The following BMP6 variants were observed in gnomAD, a reference collection of about 807,000 sequenced individuals.
The protein encoded by BMP6 is VG-1-R.
BMP6 carries 17 observed loss-of-function variants against 54.1 expected under a neutral mutation model. The ratio of observed to expected loss-of-function variants is 0.31; its 90% CI spans 0.22 to 0.47. The LOEUF is 0.47. Among genes scored for constraint, BMP6 ranks in the 20% least tolerant of loss-of-function variants. BMP6 has a pLI of 1.00. For synonymous variants in BMP6, 328 were observed against 291.2 expected, an observed-to-expected ratio of 1.13 and a Z score of -1.28; for missense variants, 720 against 690.4, an observed-to-expected ratio of 1.04 and a Z score of -0.48.
intron 5 of BMP6, 141 bp downstream of exon 5, chr6:7,879,291 CAA>C: frequency 1.1e-6 from 1 of 870,004 alleles, no homozygotes; most frequent in Non-Finnish European, 1.8e-6. Flanking sequence ...GGAGCCCTCC[CAA>C]ATGCTCAGGC....
At chr6:7,868,879 T>C (rs567547413) in intron 4 of BMP6, among the ~76,000 whole-genome samples, 1 of 151,986 alleles carries the variant, frequency 6.6e-6, no homozygotes, top group Non-Finnish European at 1.5e-5. Flanking sequence ...TCCCTCTCCC[T>C]CCCCACCTCT....
intron 1 of BMP6, among the ~76,000 whole-genome samples, chr6:7,821,541 G>A (rs988127264): frequency 1.3e-5 from 2 of 152,156 alleles, no homozygotes; most frequent in African/African-American, 2.4e-5. Context: ...GAAAAATTAA[G>A]GAATGACTCC....
chr6:7,796,422 G>A (rs12210175), intron 1 of BMP6, among the ~76,000 whole-genome samples: 88,622 of 152,136 alleles, frequency 0.58, 26,228 homozygotes, highest in African/African-American at 0.66. Flanking sequence ...TAGAAGAATA[G>A]TACTTTTTTC....
At chr6:7,836,986 A>C (rs1758885745) in intron 1 of BMP6, among the ~76,000 whole-genome samples, 1 of 152,206 alleles carries the variant, frequency 6.6e-6, no homozygotes, top group African/African-American at 2.4e-5. Context: ...CCATGTTTCA[A>C]AAAAAATTTC....
chr6:7,751,830 G>T (rs1024773579), intron 1 of BMP6, among the ~76,000 whole-genome samples: 1 of 152,220 alleles, frequency 6.6e-6, no homozygotes, highest in African/African-American at 2.4e-5. Context: ...TGTTTTTCAA[G>T]AAGTCTAATC....
At chr6:7,855,553 C>CTTTTTTTT (rs778898901) in intron 2 of BMP6, among the ~76,000 whole-genome samples, 1 of 105,042 alleles carries the variant, frequency 9.5e-6, no homozygotes, top group Non-Finnish European at 1.9e-5. Flanking sequence ...CTCTCTCTCT[C>CTTTTTTTT]TTTTTTTTTT....
At chr6:7,831,385 C>T (rs1013254912) in intron 1 of BMP6, among the ~76,000 whole-genome samples, 42 of 152,116 alleles carry the variant, frequency 2.8e-4, no homozygotes, top group African/African-American at 1.0e-3. Context: ...GTAGTGGATG[C>T]ACAACATTAT....
intron 1 of BMP6, among the ~76,000 whole-genome samples, chr6:7,759,891 A>G (rs1427934371): frequency 1.3e-5 from 2 of 151,236 alleles, no homozygotes; most frequent in African/African-American, 4.9e-5. Flanking sequence ...TTTAGTAGAG[A>G]TGGGGTTTCA....
chr6:7,852,761 C>G (rs1759165312), intron 2 of BMP6, among the ~76,000 whole-genome samples: 1 of 152,128 alleles, frequency 6.6e-6, no homozygotes, highest in African/African-American at 2.4e-5. Flanking sequence ...TACTTGTTTT[C>G]TCAACTCCTC....
chr6:7,740,194 G>C (rs1413305530), intron 1 of BMP6, among the ~76,000 whole-genome samples: 1 of 152,050 alleles, frequency 6.6e-6, no homozygotes, highest in East Asian at 1.9e-4. Context: ...GGTGGTAGCT[G>C]TTGGGTTCAG....
chr6:7,822,897 TTGTGTGTGTGTGTGTGTGTGTGTGTG>T (rs56161444), intron 1 of BMP6, among the ~76,000 whole-genome samples: 9 of 121,296 alleles, frequency 7.4e-5, no homozygotes, highest in Non-Finnish European at 1.4e-4. Flanking sequence ...TTGGTGCTGG[TTGTGTGTGTGTGTGTGTGTGTGTGTG>T]TGTGTGTGTG....
rs560808135 is a variant in BMP6 at position 7,735,065 on chromosome 6, G to A, written c.664+7446G>A. Reference sequence around the variant, plus strand: ...ATCACCAAAGAGCTCAGCTGGCCACGGGGGGAAGTGGAGTGGAGTGGATTC... The same window carrying A: ...ATCACCAAAGAGCTCAGCTGGCCACAGGGGGAAGTGGAGTGGAGTGGATTC... On this transcript the variant is annotated intron_variant, in intron 1 of 6. Transcript: ENST00000283147. 1.9e-4 allele frequency among the ~76,000 whole-genome samples: 29 copies of A among 152,336 alleles called. 1 individual carries two copies. In the South Asian group the frequency reaches 5.4e-3, roughly 28 times the overall value.
chr6:7,830,980 G>T (rs116653763), intron 1 of BMP6, among the ~76,000 whole-genome samples: 3 of 152,146 alleles, frequency 2.0e-5, no homozygotes, highest in Non-Finnish European at 2.9e-5. Flanking sequence ...CTGAAAACAC[G>T]TACTCACATA....
chr6:7,735,093 A>C (rs1017346932), intron 1 of BMP6, among the ~76,000 whole-genome samples: 2 of 152,202 alleles, frequency 1.3e-5, no homozygotes, highest in African/African-American at 2.4e-5. Flanking sequence ...GTGGATTCAC[A>C]GGGCGCAGAA....
At chr6:7,781,780 T>C (rs1370850749) in intron 1 of BMP6, among the ~76,000 whole-genome samples, 1 of 151,420 alleles carries the variant, frequency 6.6e-6, no homozygotes, top group Non-Finnish European at 1.5e-5. Context: ...TGGGAAGGTT[T>C]CCTGGAACAA....
intron 1 of BMP6, among the ~76,000 whole-genome samples, chr6:7,792,913 T>C (rs1758131050): frequency 6.6e-6 from 1 of 152,252 alleles, no homozygotes; most frequent in Non-Finnish European, 1.5e-5. Flanking sequence ...CTAACTGTTG[T>C]CTACCATGTA....
At chr6:7,804,321 T>G (rs1010649046) in intron 1 of BMP6, among the ~76,000 whole-genome samples, 1 of 152,120 alleles carries the variant, frequency 6.6e-6, no homozygotes, top group East Asian at 1.9e-4. Flanking sequence ...AACTTACATA[T>G]TTTTAAAAAT....
rs2113093224 is a variant in BMP6, at chr6:7,726,542, C to T, written c.-414C>T. Reference sequence around the variant, plus strand: ...GGCCCCGCTCCCCGCTGCCCCGGGTCCCACTCAGTCGCCAGGGAGAGCGCG... The same window carrying T: ...GGCCCCGCTCCCCGCTGCCCCGGGTTCCACTCAGTCGCCAGGGAGAGCGCG... On this transcript the variant is annotated 5_prime_UTR_variant, in exon 1 of 7. Coordinates refer to ENST00000283147, the MANE Select transcript of BMP6 (RefSeq NM_001718.6). Among the ~76,000 whole-genome samples the T allele has an allele frequency of 6.6e-6, 1 of 152,266 alleles. No individual in the cohort carries two copies. Among genetic ancestry groups the T allele is most frequent in the South Asian group, 2.1e-4 (1 of 4,834 alleles).
intron 5 of BMP6, among the ~76,000 whole-genome samples, chr6:7,879,577 C>T (rs187173745): frequency 1.2e-4 from 19 of 152,230 alleles, no homozygotes; most frequent in Admixed American, 7.8e-4. Context: ...ACGTTTGCCT[C>T]GTACCTGAGA....
Sources: allele counts gnomAD v4.1 joint callset (sites outside exome capture counted in the v4.1 genomes callset), GRCh38; gene constraint gnomAD v4.1.1; transcripts MANE v1.5; gene names NCBI Gene and HGNC (gene_info 2026-07-23, HGNC 2026-07-21).